The following MACROD2 variants were observed in gnomAD, a reference collection of about 807,000 sequenced individuals.
The protein encoded by MACROD2 is mono-ADP ribosylhydrolase 2.
MACROD2 carries 36 observed loss-of-function variants against 70.4 expected under a neutral mutation model. The ratio of observed to expected loss-of-function variants is 0.51; its 90% CI spans 0.39 to 0.68. MACROD2 has a LOEUF of 0.68. Ranked by LOEUF, MACROD2 falls within the 30% of genes least tolerant of loss-of-function variation. The probability of loss-of-function intolerance (pLI) is 0.00; values close to 1 mark genes in which losing one functional copy is unlikely to be tolerated. For missense variants in MACROD2, 496 were observed against 538.4 expected, an observed-to-expected ratio of 0.92 and a Z score of 0.78; for synonymous variants, 172 against 178.8, an observed-to-expected ratio of 0.96 and a Z score of 0.30.
At chr20:15,525,682 C>T (rs1374487105) in intron 8 of MACROD2, among the ~76,000 whole-genome samples, 1 of 152,202 alleles carries the variant, frequency 6.6e-6, no homozygotes, top group Non-Finnish European at 1.5e-5. Flanking sequence ...TGTGTGAAAA[C>T]ATTCACAGTA....
intron 6 of MACROD2, among the ~76,000 whole-genome samples, chr20:15,398,339 G>C (rs1224442387): frequency 6.6e-6 from 1 of 152,166 alleles, no homozygotes; most frequent in Non-Finnish European, 1.5e-5. Context: ...TAAGTGCTCA[G>C]TATTACATTG....
intron 2 of MACROD2, among the ~76,000 whole-genome samples, chr20:14,059,035 G>A (rs771539157): frequency 6.6e-6 from 1 of 152,018 alleles, no homozygotes; most frequent in Admixed American, 6.5e-5. Flanking sequence ...TTCTTTCTAC[G>A]TGTGTAGAGG....
At chr20:14,735,343 A>G (rs960652902) in intron 5 of MACROD2, among the ~76,000 whole-genome samples, 2 of 152,328 alleles carry the variant, frequency 1.3e-5, no homozygotes, top group East Asian at 3.9e-4. Context: ...ACATTTGTCT[A>G]AAGAAGGTAT....
chr20:14,345,292 C>T (rs996696168), intron 3 of MACROD2, among the ~76,000 whole-genome samples: 1 of 152,076 alleles, frequency 6.6e-6, no homozygotes, highest in Non-Finnish European at 1.5e-5. Context: ...TTGTTCCTTA[C>T]AAGCAAATCT....
chr20:15,229,294 A>G (rs918883470), intron 5 of MACROD2, among the ~76,000 whole-genome samples: 1 of 152,234 alleles, frequency 6.6e-6, no homozygotes, highest in Non-Finnish European at 1.5e-5. Context: ...GAATGTTTTA[A>G]TAATACAATA....
intron 12 of MACROD2, among the ~76,000 whole-genome samples, chr20:15,949,952 A>T (rs1254248363): frequency 6.6e-6 from 1 of 152,114 alleles, no homozygotes; most frequent in African/African-American, 2.4e-5. Flanking sequence ...TCTCTGACTC[A>T]TATTTTTAAA....
At chr20:15,689,029 C>T (rs531180499) in intron 8 of MACROD2, among the ~76,000 whole-genome samples, 24 of 152,352 alleles carry the variant, frequency 1.6e-4, no homozygotes, top group South Asian at 1.4e-3. Flanking sequence ...TTGGGCCGGG[C>T]GTGATGGCTC....
At chr20:14,497,824 G>C (rs2084870977) in intron 4 of MACROD2, among the ~76,000 whole-genome samples, 1 of 151,740 alleles carries the variant, frequency 6.6e-6, no homozygotes, top group Admixed American at 6.5e-5. Context: ...TTCCTGAGTT[G>C]ATTCTGTGGC....
At chr20:14,838,408 G>T (rs2073053335) in intron 5 of MACROD2, among the ~76,000 whole-genome samples, 1 of 152,092 alleles carries the variant, frequency 6.6e-6, no homozygotes, top group Non-Finnish European at 1.5e-5. Context: ...ACTAATCTGA[G>T]TGGATTAAGG....
At chr20:15,489,288 T>A (rs1008143025) in intron 7 of MACROD2, among the ~76,000 whole-genome samples, 1 of 152,178 alleles carries the variant, frequency 6.6e-6, no homozygotes, top group African/African-American at 2.4e-5. Context: ...TCCCTTTTTA[T>A]ATTATGACTA....
At chr20:15,127,692 G>T (rs1256970395) in intron 5 of MACROD2, among the ~76,000 whole-genome samples, 1 of 152,082 alleles carries the variant, frequency 6.6e-6, no homozygotes, top group African/African-American at 2.4e-5. Flanking sequence ...GGTAAAGGGA[G>T]GTGGATGGGA....
intron 8 of MACROD2, among the ~76,000 whole-genome samples, chr20:15,798,326 A>G (rs2063693839): frequency 6.6e-6 from 1 of 152,170 alleles, no homozygotes; most frequent in South Asian, 2.1e-4. Context: ...CTTCATTCAC[A>G]TGTCTGGCAC....
At chr20:14,204,701 C>T (rs1375281287) in intron 3 of MACROD2, among the ~76,000 whole-genome samples, 1 of 152,204 alleles carries the variant, frequency 6.6e-6, no homozygotes, top group East Asian at 1.9e-4. Context: ...ACATCCCTTT[C>T]CTACCATGTC....
chr20:15,892,245 A>G (rs964391714), intron 10 of MACROD2, among the ~76,000 whole-genome samples: 1 of 152,208 alleles, frequency 6.6e-6, no homozygotes. Flanking sequence ...GATGTAAGTC[A>G]TGAGCTCAAT....
chr20:14,464,974 A>G (rs1332470829), intron 3 of MACROD2, among the ~76,000 whole-genome samples: 1 of 152,058 alleles, frequency 6.6e-6, no homozygotes, highest in Admixed American at 6.5e-5. Flanking sequence ...CAGTTTTGGA[A>G]TAGGTGTGGT....
At chr20:15,449,484 A>G (rs983981266) in intron 7 of MACROD2, among the ~76,000 whole-genome samples, 1 of 152,188 alleles carries the variant, frequency 6.6e-6, no homozygotes, top group African/African-American at 2.4e-5. Context: ...TCTCTTCCCA[A>G]TTAAAAATGC....
intron 4 of MACROD2, among the ~76,000 whole-genome samples, chr20:14,604,257 C>A (rs1281956793): frequency 6.6e-6 from 1 of 152,206 alleles, no homozygotes; most frequent in East Asian, 1.9e-4. Flanking sequence ...CTTCTAACTG[C>A]CAAGCAGAGA....
chr20:15,307,124 A>T (rs575494953), intron 6 of MACROD2, among the ~76,000 whole-genome samples: 2 of 152,308 alleles, frequency 1.3e-5, no homozygotes, highest in Admixed American at 1.3e-4. Flanking sequence ...ACTGGGGATC[A>T]CATTTCAACA....
chr20:15,460,478 C>T (rs974045816), intron 7 of MACROD2, among the ~76,000 whole-genome samples: 2 of 152,108 alleles, frequency 1.3e-5, no homozygotes, highest in African/African-American at 4.8e-5. Flanking sequence ...AGTTCTAGAG[C>T]CTCCAATGCC....
Sources: allele counts gnomAD v4.1 joint callset (sites outside exome capture counted in the v4.1 genomes callset), GRCh38; gene constraint gnomAD v4.1.1; transcripts MANE v1.5; gene names NCBI Gene and HGNC (gene_info 2026-07-23, HGNC 2026-07-21).